SEMA6D: variants seen among roughly 807,000 people sequenced by gnomAD.
SEMA6D encodes semaphorin-6D.
Under a neutral mutation model 106.6 loss-of-function variants are expected in SEMA6D, and 35 were observed. That is an observed-to-expected ratio of 0.33 (90% CI 0.25 to 0.44). The LOEUF is 0.44. SEMA6D is among the 20% of genes least tolerant of loss of function. The pLI is 1.00. For synonymous variants in SEMA6D, 499 were observed against 487.7 expected, an observed-to-expected ratio of 1.02 and a Z score of -0.31; for missense variants, 1,185 against 1,345.9, an observed-to-expected ratio of 0.88 and a Z score of 1.87.
intron 1 of SEMA6D, among the ~76,000 whole-genome samples, chr15:47,369,092 G>A (rs554956738): frequency 1.3e-5 from 2 of 152,358 alleles, no homozygotes; most frequent in African/African-American, 4.8e-5. Flanking sequence ...ACAGTTGCTG[G>A]TGTTAGATAT....
At chr15:47,458,893 A>T (rs897178079) in intron 2 of SEMA6D, among the ~76,000 whole-genome samples, 1 of 152,070 alleles carries the variant, frequency 6.6e-6, no homozygotes, top group Non-Finnish European at 1.5e-5. Context: ...ATAAACTATT[A>T]ATAAAGAATA....
chr15:47,186,374 G>A (rs1893572183), intron 1 of SEMA6D, among the ~76,000 whole-genome samples: 1 of 152,008 alleles, frequency 6.6e-6, no homozygotes, highest in Non-Finnish European at 1.5e-5. Flanking sequence ...GAGAGAGTTA[G>A]GTAGAAGAAA....
intron 1 of SEMA6D, among the ~76,000 whole-genome samples, chr15:47,310,561 A>G (rs554867530): frequency 2.2e-4 from 32 of 148,594 alleles, no homozygotes; most frequent in African/African-American, 7.8e-4. Flanking sequence ...AATGCTGTCA[A>G]TATATTCAAA....
At chr15:47,588,923 C>T (rs2076389400) in intron 3 of SEMA6D, among the ~76,000 whole-genome samples, 1 of 152,180 alleles carries the variant, frequency 6.6e-6, no homozygotes, top group South Asian at 2.1e-4. Flanking sequence ...CCACAACTGT[C>T]ACAATGGGGA....
intron 1 of SEMA6D, among the ~76,000 whole-genome samples, chr15:47,233,480 G>A (rs548572288): frequency 7.8e-4 from 118 of 151,980 alleles, no homozygotes; most frequent in Non-Finnish European, 1.4e-3. Context: ...ACAGCAATTA[G>A]CATTTCAGTA....
At chr15:47,755,838 TATATA>T (rs1746601066) in intron 1 of SEMA6D, among the ~76,000 whole-genome samples, 1 of 148,524 alleles carries the variant, frequency 6.7e-6, no homozygotes, top group Non-Finnish European at 1.5e-5. Context: ...AATATAACAA[TATATA>T]ATATAAATAT....
At chr15:47,507,024 T>C (rs1026522052) in intron 3 of SEMA6D, among the ~76,000 whole-genome samples, 6 of 152,172 alleles carry the variant, frequency 3.9e-5, no homozygotes, top group African/African-American at 9.7e-5. Context: ...TTTGTCACTC[T>C]AGGGTCTCTA....
At chr15:47,186,352 C>T (rs114150152) in intron 1 of SEMA6D, among the ~76,000 whole-genome samples, 2,139 of 152,112 alleles carry the variant, frequency 0.014, 50 homozygotes, top group African/African-American at 0.049. Context: ...ATGATTTATT[C>T]CAAGGAGAGA....
intron 4 of SEMA6D, among the ~76,000 whole-genome samples, chr15:47,641,992 G>GT (rs1481966271): frequency 6.6e-6 from 1 of 152,178 alleles, no homozygotes; most frequent in Non-Finnish European, 1.5e-5. Context: ...CTTGAGGGTT[G>GT]TATCTCCAGG....
chr15:47,685,805 A>G (rs1212872845), intron 4 of SEMA6D, among the ~76,000 whole-genome samples: 1 of 152,210 alleles, frequency 6.6e-6, no homozygotes, highest in African/African-American at 2.4e-5. Context: ...ACCTGTGAGC[A>G]AGATTGACCC....
At chr15:47,494,771 T>TATATATATATATATAG (rs2043592049) in intron 3 of SEMA6D, among the ~76,000 whole-genome samples, 3 of 94,540 alleles carry the variant, frequency 3.2e-5, no homozygotes, top group African/African-American at 1.4e-4. Context: ...TATATATATA[T>TATATATATATATATAG]ATATATATAT....
intron 4 of SEMA6D, among the ~76,000 whole-genome samples, chr15:47,640,836 G>A (rs548479777): frequency 6.6e-6 from 1 of 152,160 alleles, no homozygotes; most frequent in South Asian, 2.1e-4. Context: ...GGCCAGTCTG[G>A]AAGGAAAGCT....
chr15:47,720,256 C>G (rs1030412822), intron 1 of SEMA6D, among the ~76,000 whole-genome samples: 1 of 145,038 alleles, frequency 6.9e-6, no homozygotes, highest in South Asian at 2.2e-4. Context: ...ATATCAATAA[C>G]CTTTCTTTTT....
chr15:47,442,341 G>C (rs2041907473), intron 2 of SEMA6D, among the ~76,000 whole-genome samples: 1 of 152,072 alleles, frequency 6.6e-6, no homozygotes, highest in African/African-American at 2.4e-5. Flanking sequence ...TACCTTCCAT[G>C]ATGTACAGAA....
chr15:47,760,836 T>G, intron 3 of SEMA6D, 142 bp from the exon 4 acceptor site: 1 of 730,346 alleles, frequency 1.4e-6, no homozygotes, highest in South Asian at 2.0e-5. Flanking sequence ...GAAAAAGTAC[T>G]CTTTGTTGAC....
At chr15:47,221,820 TAAAG>T (rs1263989512) in intron 1 of SEMA6D, among the ~76,000 whole-genome samples, 2 of 152,230 alleles carry the variant, frequency 1.3e-5, no homozygotes, top group African/African-American at 2.4e-5. Context: ...AATGGATTGA[TAAAG>T]AAAGCACATT....
intron 3 of SEMA6D, among the ~76,000 whole-genome samples, chr15:47,484,388 A>C (rs1052229535): frequency 6.6e-6 from 1 of 152,154 alleles, no homozygotes; most frequent in African/African-American, 2.4e-5. Context: ...GTGTAGCATT[A>C]TTAAAATTCC....
At chr15:47,678,487 C>T (rs2078288251) in intron 4 of SEMA6D, among the ~76,000 whole-genome samples, 1 of 152,082 alleles carries the variant, frequency 6.6e-6, no homozygotes, top group African/African-American at 2.4e-5. Flanking sequence ...TTTGTTTGAT[C>T]CTTACATCAA....
chr15:47,233,312 A>G (rs1346849959), intron 1 of SEMA6D, among the ~76,000 whole-genome samples: 6 of 151,994 alleles, frequency 3.9e-5, no homozygotes, highest in South Asian at 4.1e-4. Flanking sequence ...TTTTATGCCT[A>G]TATCACAGTA....
Sources: gnomAD v4.1 joint callset for allele counts (sites outside exome capture counted in the v4.1 genomes callset) on GRCh38, gnomAD v4.1.1 for gene constraint, MANE v1.5 for transcripts, NCBI Gene and HGNC (gene_info 2026-07-23, HGNC 2026-07-21) for gene names.